TNS3: variants seen among roughly 807,000 people sequenced by gnomAD.
The protein encoded by TNS3 is tensin 3, also known as tensin-3.
TNS3 carries 45 observed loss-of-function variants against 140.9 expected under a neutral mutation model. The observed-to-expected ratio is 0.32, with a 90% CI of 0.25 to 0.41. The LOEUF is 0.41. TNS3 is among the 10% of genes least tolerant of loss of function. TNS3 has a pLI of 1.00. For synonymous variants in TNS3, 815 were observed against 788.4 expected (o/e 1.03, Z -0.56); for missense variants, 1,716 against 1,906.7 (o/e 0.90, Z 1.86).
At chr7:47,384,062 G>T (rs1791930128) in intron 16 of TNS3, among the ~76,000 whole-genome samples, 1 of 152,122 alleles carries the variant, frequency 6.6e-6, no homozygotes, top group Admixed American at 6.6e-5. Context: ...ACAAATGCAG[G>T]TCCCTCCAGC....
intron 16 of TNS3, among the ~76,000 whole-genome samples, chr7:47,390,060 A>G (rs6957114): frequency 6.6e-6 from 1 of 152,194 alleles, no homozygotes; most frequent in Non-Finnish European, 1.5e-5. Flanking sequence ...CCATGCAAAG[A>G]GCCCTGGAGC....
intron 4 of TNS3, among the ~76,000 whole-genome samples, chr7:47,452,693 C>G (rs1324879011): frequency 1.3e-5 from 2 of 152,200 alleles, no homozygotes; most frequent in Admixed American, 6.5e-5. Flanking sequence ...CGGAAGCTCC[C>G]CTTTGCTCTT....
intron 4 of TNS3, among the ~76,000 whole-genome samples, chr7:47,466,031 A>C (rs890668150): frequency 6.6e-6 from 1 of 152,192 alleles, no homozygotes; most frequent in Non-Finnish European, 1.5e-5. Flanking sequence ...ATTTCTTAAA[A>C]TATCTAATTC....
At position 47,400,774 on chromosome 7, in the gene TNS3, C is replaced by T. The variant is rs1793113252; in HGVS notation, c.853+11G>A. 1 of 1,613,440 alleles carries T rather than the reference C, an allele frequency of 6.2e-7. No homozygotes were observed. Among genetic ancestry groups the T allele is most frequent in the Non-Finnish European group, 8.5e-7 (1 of 1,179,510 alleles). The stretch of plus-strand genomic sequence containing the variant: ...GCCCACAAGCACAGGGCCGCCAGCT[C>T]CGCGCCTCACCTTTGCTGGCATTGT... On this transcript the variant is annotated intron_variant, in intron 14 of 30. Coordinates refer to ENST00000311160, the MANE Select transcript of TNS3 (RefSeq NM_022748.12).
chr7:47,418,520 AAC>A (rs1333133206), intron 10 of TNS3, among the ~76,000 whole-genome samples: 1 of 152,220 alleles, frequency 6.6e-6, no homozygotes, highest in East Asian at 1.9e-4. Flanking sequence ...CTACTTAGTC[AAC>A]ACAGTTTTCA....
At chr7:47,314,796 C>T (rs1225240373) in intron 20 of TNS3, among the ~76,000 whole-genome samples, 2 of 152,162 alleles carry the variant, frequency 1.3e-5, no homozygotes, top group African/African-American at 4.8e-5. Flanking sequence ...GGGATTTGCA[C>T]CGTCTTGGAC....
chr7:47,356,269 A>T (rs1789990809), intron 17 of TNS3, among the ~76,000 whole-genome samples: 1 of 152,192 alleles, frequency 6.6e-6, no homozygotes, highest in Non-Finnish European at 1.5e-5. Flanking sequence ...CTCGGGCCTC[A>T]CCTGTGAAGT....
At chr7:47,532,157 G>A (rs2151946135) in intron 1 of TNS3, among the ~76,000 whole-genome samples, 1 of 152,220 alleles carries the variant, frequency 6.6e-6, no homozygotes, top group South Asian at 2.1e-4. Flanking sequence ...TCATCTCAGA[G>A]CGGGATTGGG....
At chr7:47,295,195 C>T (rs907704936) in intron 24 of TNS3, among the ~76,000 whole-genome samples, 1 of 152,218 alleles carries the variant, frequency 6.6e-6, no homozygotes, top group Non-Finnish European at 1.5e-5. Context: ...TTCCTTTCAT[C>T]TTAAGATTGA....
chr7:47,570,660 A>G (rs1440432177), intron 1 of TNS3, among the ~76,000 whole-genome samples: 1 of 152,228 alleles, frequency 6.6e-6, no homozygotes, highest in African/African-American at 2.4e-5. Flanking sequence ...CTAGATGTGT[A>G]ACTATCCCCT....
chr7:47,466,618 G>A (rs1562775987), intron 4 of TNS3, among the ~76,000 whole-genome samples: 1 of 152,192 alleles, frequency 6.6e-6, no homozygotes, highest in Non-Finnish European at 1.5e-5. Context: ...GGCTGGGTCT[G>A]ATTCTGGTTT....
Position 47,278,159 on chromosome 7 carries a change from C to T in TNS3, c.4255G>A (p.Ala1419Thr). The change falls in exon 31 of 31, where the codon GCA (alanine) becomes ACA (threonine). Residue 1419 changes from alanine (A) to threonine (T), a missense_variant. Around this residue, in one of 3 missense-constraint regions of TNS3, gnomAD observed 216 missense variants for 295.7 expected, o/e 0.73. Transcript: ENST00000311160. ...GCAGGCTGCTCAGGGTCATGCTCTG[C>T]AAACAGGTGGCACACATTATCCGTG... ...SATDNVCHLF[A>T]EHDPEQPASA... 6.2e-7 allele frequency: 1 copy of T among 1,614,196 alleles called. No individual in the cohort carries two copies.
intron 1 of TNS3, among the ~76,000 whole-genome samples, chr7:47,559,866 C>T (rs548420276): frequency 5.9e-5 from 9 of 152,186 alleles, no homozygotes; most frequent in Admixed American, 2.0e-4. Flanking sequence ...CCTTCACATT[C>T]GGCGGTCGAG....
intron 20 of TNS3, among the ~76,000 whole-genome samples, chr7:47,313,936 T>C (rs1007903810): frequency 9.9e-5 from 15 of 152,276 alleles, no homozygotes; most frequent in South Asian, 4.1e-4. Flanking sequence ...CCTGACCGGG[T>C]GACAGGACTT....
chr7:47,428,409 T>C (rs562302666), intron 8 of TNS3, 33 bp from the exon 9 acceptor site: 29 of 1,374,196 alleles, frequency 2.1e-5, no homozygotes, highest in Non-Finnish European at 2.7e-5. Context: ...TGATTTTCTC[T>C]GAAATCCCAC....
intron 4 of TNS3, among the ~76,000 whole-genome samples, chr7:47,476,403 A>G (rs1016161893): frequency 3.3e-5 from 5 of 151,926 alleles, no homozygotes; most frequent in Admixed American, 2.6e-4. Flanking sequence ...ACAGGCTGTG[A>G]CTCCCCTGTA....
intron 20 of TNS3, among the ~76,000 whole-genome samples, chr7:47,331,171 T>C (rs1336935158): frequency 1.3e-5 from 2 of 152,156 alleles, no homozygotes; most frequent in Non-Finnish European, 2.9e-5. Flanking sequence ...CTCGAAGGCC[T>C]GGGAAGGATA....
In TNS3 at chr7:47,443,798, G is replaced by A. The variant is rs145300665; in HGVS notation, c.-75-1743C>T. Among the ~76,000 whole-genome samples, 837 of 152,218 alleles carry A rather than the reference G, an allele frequency of 5.5e-3. 7 individuals carry two copies. The highest frequency in any genetic ancestry group is 0.019 in the African/African-American group (790 of 41,512). ...TTAGCCTGCGTGGTGGCGCACACCT[G>A]TAATCCTAGCTACTCGGGAGGCTGA... On this transcript the variant is annotated intron_variant, in intron 4 of 30. Transcript: ENST00000311160.
chr7:47,411,797 A>G lies in TNS3; in HGVS notation c.653T>C (p.Val218Ala). Reference protein sequence around the residue: ...QPVYTSGIYNVGPENPSRICI... With the variant: ...QPVYTSGIYNAGPENPSRICI... ...GATCCTGCTGGGGTTTTCTGGGCCA[A>G]CGTTGCTTTGGGATGAAGAAGAAGG... Residue 218 changes from valine (V) to alanine (A), a missense_variant, in exon 13 of 31, where the codon GTT becomes GCT. Val to Ala is a moderately conservative substitution (Grantham distance 64). Coordinates refer to ENST00000311160, the MANE Select transcript of TNS3 (RefSeq NM_022748.12). 1 of 1,613,460 alleles carries G rather than the reference A, an allele frequency of 6.2e-7. No homozygotes were observed. The highest frequency in any genetic ancestry group is 8.5e-7 in the Non-Finnish European group (1 of 1,179,730).
Sources: gnomAD v4.1 joint callset for allele counts (sites outside exome capture counted in the v4.1 genomes callset) on GRCh38, gnomAD v4.1.1 for gene constraint, gnomAD v4.1.1 regional missense constraint, MANE v1.5 for transcripts, NCBI Gene and HGNC (gene_info 2026-07-23, HGNC 2026-07-21) for gene names.